Variants in ANK1 observed in about 807,000 individuals in gnomAD.
The protein encoded by ANK1 is ankyrin 1.
A neutral mutation model predicts 210.4 loss-of-function variants in ANK1; 51 were observed. That is an observed-to-expected ratio of 0.24 (90% CI 0.19 to 0.31). The LOEUF (loss-of-function observed/expected upper bound fraction) is 0.31, where lower values mean the gene tolerates loss of function less well. Ranked by LOEUF, ANK1 falls within the 10% of genes least tolerant of loss-of-function variation. ANK1 has a pLI of 1.00. For missense variants in ANK1, 2,051 were observed against 2,504.4 expected, an observed-to-expected ratio of 0.82 and a Z score of 3.86; for synonymous variants, 967 against 1,025.9, an observed-to-expected ratio of 0.94 and a Z score of 1.10.
At chr8:41,868,275 C>A (rs905640872) in intron 1 of ANK1, among the ~76,000 whole-genome samples, 6 of 152,248 alleles carry the variant, frequency 3.9e-5, no homozygotes, top group African/African-American at 1.4e-4. Flanking sequence ...GGCCATCCTG[C>A]AAATTGAAGG....
upstream of ANK1, among the ~76,000 whole-genome samples, chr8:41,798,029 T>C (rs772385514): frequency 3.9e-5 from 6 of 152,010 alleles, no homozygotes; most frequent in Non-Finnish European, 7.4e-5. Flanking sequence ...AATTTGCCTT[T>C]CCTGGTTTTT....
At chr8:41,718,358 A>T (rs1828304972) in intron 10 of ANK1, among the ~76,000 whole-genome samples, 154 bp from the exon 11 acceptor site, 1 of 152,254 alleles carries the variant, frequency 6.6e-6, no homozygotes, top group Non-Finnish European at 1.5e-5. Context: ...CCAATTGATT[A>T]GTCTTATAAT....
At chr8:41,791,317 G>A (rs959315475) in intron 1 of ANK1, among the ~76,000 whole-genome samples, 2 of 144,418 alleles carry the variant, frequency 1.4e-5, no homozygotes, top group Admixed American at 1.4e-4. Flanking sequence ...GATTACAGGC[G>A]CCTACCACCA....
intron 1 of ANK1, among the ~76,000 whole-genome samples, chr8:41,837,290 T>G (rs992147522): frequency 6.6e-6 from 1 of 152,146 alleles, no homozygotes; most frequent in Non-Finnish European, 1.5e-5. Context: ...GGGACAAAAG[T>G]GAACAAAGAC....
intron 42 of ANK1, 188 bp downstream of exon 42, chr8:41,661,242 T>C: frequency 1.2e-6 from 1 of 818,550 alleles, no homozygotes; most frequent in South Asian, 1.7e-5. Flanking sequence ...GTTTCCTTGA[T>C]GAGGAAGCTG....
At chr8:41,803,880 C>G (rs1191764241) in intron 1 of ANK1, among the ~76,000 whole-genome samples, 1 of 151,792 alleles carries the variant, frequency 6.6e-6, no homozygotes, top group Non-Finnish European at 1.5e-5. Context: ...CCTTCTTGGT[C>G]GTAATGAATT....
chr8:41,799,112 A>C (rs574058751), upstream of ANK1, among the ~76,000 whole-genome samples: 3 of 152,376 alleles, frequency 2.0e-5, no homozygotes, highest in African/African-American at 7.2e-5. Context: ...ACCACAGCAC[A>C]GTCCTTAAGC....
At chr8:41,865,169 TC>T (rs1428330044) in intron 1 of ANK1, among the ~76,000 whole-genome samples, 2 of 152,098 alleles carry the variant, frequency 1.3e-5, no homozygotes, top group African/African-American at 2.4e-5. Flanking sequence ...TCCCACTGAC[TC>T]ACCCATCTCG....
chr8:41,696,535 G>A lies in ANK1; in HGVS notation c.2788C>T (p.Arg930Cys). Reference sequence around the variant, plus strand: ...ATCACCACTCGCAGGCCGTTGTGGCGACTTCCTCTCATGGAACCACCCCGG... The same window carrying A: ...ATCACCACTCGCAGGCCGTTGTGGCAACTTCCTCTCATGGAACCACCCCGG... ...DARGGSMRGS[R>C]HNGLRVVIPP... is the part of the protein sequence containing the mutation. The change falls in exon 26 of 43, where the codon CGC becomes TGC. Residue 930 changes from arginine (R) to cysteine (C), a missense_variant. Coordinates refer to ENST00000289734, the MANE Select transcript of ANK1 (RefSeq NM_000037.4). 2 of 1,613,814 alleles carry A rather than the reference G, an allele frequency of 1.2e-6. No individual in the cohort carries two copies. The highest frequency in any genetic ancestry group is 1.3e-5 in the African/African-American group (1 of 75,050).
intron 1 of ANK1, among the ~76,000 whole-genome samples, chr8:41,851,593 G>C (rs2150811923): frequency 6.6e-6 from 1 of 152,372 alleles, no homozygotes; most frequent in South Asian, 2.1e-4. Context: ...GCTCACACCT[G>C]TAATCCTAGT....
At chr8:41,801,135 G>T (rs1196319628), upstream of ANK1, among the ~76,000 whole-genome samples, 1 of 151,934 alleles carries the variant, frequency 6.6e-6, no homozygotes, top group East Asian at 1.9e-4. Flanking sequence ...TTCCAGATGG[G>T]ATCTCATTCT....
rs751553373 is a variant in ANK1 at position 41,706,260 on chromosome 8, T to C, written c.1999-19A>G. On this transcript the variant is annotated intron_variant, in intron 17 of 42. Transcript: ENST00000289734. ...GTCCGCTCTGCAAAGAAAAAGACGT[T>C]CATCACCTTCTATCAAGTAAAGAAT... The C allele has an allele frequency of 6.2e-7, 1 of 1,605,994 alleles. No individual in the cohort carries two copies. Among genetic ancestry groups the C allele is most frequent in the Non-Finnish European group, 8.5e-7 (1 of 1,173,768 alleles).
At chr8:41,752,848 C>T (rs1838108246) in intron 2 of ANK1, among the ~76,000 whole-genome samples, 1 of 150,828 alleles carries the variant, frequency 6.6e-6, no homozygotes, top group Non-Finnish European at 1.5e-5. Context: ...CATGCGGTAG[C>T]CAGTGAGACC....
intron 1 of ANK1, among the ~76,000 whole-genome samples, chr8:41,782,549 C>T (rs1845554401): frequency 6.6e-6 from 1 of 152,174 alleles, no homozygotes; most frequent in South Asian, 2.1e-4. Flanking sequence ...AGCAGGTCTT[C>T]CCCTAAACAT....
chr8:41,744,384 T>C (rs898607308), intron 2 of ANK1, among the ~76,000 whole-genome samples: 5 of 152,140 alleles, frequency 3.3e-5, no homozygotes, highest in African/African-American at 1.2e-4. Context: ...ATGTCATTAA[T>C]AGACTGAAAT....
intron 1 of ANK1, among the ~76,000 whole-genome samples, chr8:41,759,378 C>T (rs1234558180): frequency 6.6e-6 from 1 of 152,050 alleles, no homozygotes; most frequent in Non-Finnish European, 1.5e-5. Flanking sequence ...TGGTGACGTG[C>T]ACCTGTAGTC....
intron 1 of ANK1, among the ~76,000 whole-genome samples, chr8:41,838,211 G>T (rs1426588791): frequency 6.6e-6 from 1 of 152,278 alleles, no homozygotes; most frequent in South Asian, 2.1e-4. Flanking sequence ...TTTTACAGAT[G>T]GGGAAAGCGG....
At chr8:41,790,605 G>A (rs114708271) in intron 1 of ANK1, among the ~76,000 whole-genome samples, 3,718 of 151,282 alleles carry the variant, frequency 0.025, 171 homozygotes, top group African/African-American at 0.086. Context: ...CACTCCTGGC[G>A]TTTGCCTAAT....
At chr8:41,737,855 G>C (rs556067032) in intron 2 of ANK1, among the ~76,000 whole-genome samples, 4 of 152,164 alleles carry the variant, frequency 2.6e-5, no homozygotes, top group African/African-American at 4.8e-5. Flanking sequence ...TCAGCCACAG[G>C]TGTGGACACT....
Sources: gnomAD v4.1 joint callset for allele counts (sites outside exome capture counted in the v4.1 genomes callset) on GRCh38, gnomAD v4.1.1 for gene constraint, MANE v1.5 for transcripts, NCBI Gene and HGNC (gene_info 2026-07-23, HGNC 2026-07-21) for gene names.